Variants in TMEM215 observed in about 807,000 individuals in gnomAD.
TMEM215 encodes transmembrane protein 215.
A neutral mutation model predicts 14.7 loss-of-function variants in TMEM215; 12 were observed. The ratio of observed to expected loss-of-function variants is 0.82; its 90% confidence interval spans 0.52 to 1.33. The LOEUF (loss-of-function observed/expected upper bound fraction) is 1.33. TMEM215 is among the 40% of genes most tolerant of loss of function. The pLI, the probability that TMEM215 is intolerant of heterozygous loss-of-function variation, is 0.00. For synonymous variants in TMEM215, 122 were observed against 124.8 expected (o/e 0.98, Z 0.15); for missense variants, 276 against 296.2 (o/e 0.93, Z 0.50).
rs1824520529 is a variant in TMEM215 at position 32,787,584 on chromosome 9, AG to A, written c.*2697del. On this transcript the variant is annotated 3_prime_UTR_variant, in exon 2 of 2. Transcript: ENST00000342743. ...TCAAAAAATATATATACACAAAAAA[AG>A]GGGAAAAGCCACATTTTTTTGAACA... is the stretch of plus-strand genomic sequence containing the variant. 6.6e-6 allele frequency among the ~76,000 whole-genome samples: 1 copy of A among 152,136 alleles called. No individual in the cohort carries two copies. The highest frequency in any genetic ancestry group is 2.1e-4 in the South Asian group (1 of 4,834).
In TMEM215 at chr9:32,786,015, T is replaced by C. The variant is rs1297421985; in HGVS notation, c.*1124T>C. The C allele has an allele frequency of 1.2e-5, 2 of 166,988 alleles. No individual in the cohort carries two copies. The allele number at this position is 166,988 out of a possible 1,614,324, so 10.3% of individuals were successfully genotyped here. ...ATTAAGCTCACCTGATCAGTGAACA[T>C]TACATGATAAAAGTCTCTTTATTTC... is the stretch of plus-strand genomic sequence containing the variant. On this transcript the variant is annotated 3_prime_UTR_variant, in exon 2 of 2. Transcript: ENST00000342743.
chr9:32,784,646 C>G lies in TMEM215; in HGVS notation c.463C>G (p.Gln155Glu). The G allele has an allele frequency of 5.0e-6, 8 of 1,613,856 alleles. No homozygotes were observed. The highest frequency in any genetic ancestry group is 6.8e-6 in the Non-Finnish European group (8 of 1,179,938). Residue 155 changes from glutamine to glutamate, a missense_variant, in exon 2 of 2, where the codon CAG (glutamine) becomes GAG (glutamate). Coordinates refer to ENST00000342743, the MANE Select transcript of TMEM215 (RefSeq NM_212558.3). ...CCAGAGCCTCGTCCAGAATGGGCAT[C>G]AGGAGGAGACGTCCAGATACCTGGA... ...ECQSLVQNGH[Q>E]EETSRYLDGY...
In TMEM215 at chr9:32,789,016, A is replaced by G. The variant is rs914773295; in HGVS notation, c.*4125A>G. ...ATATATTTTATAATAGATGTATTTC[A>G]TATGTATATGTATTGTCGCCTATCA... is the stretch of plus-strand genomic sequence containing the variant. On this transcript the variant is annotated 3_prime_UTR_variant, in exon 2 of 2. Transcript: ENST00000342743. 1.3e-5 allele frequency among the ~76,000 whole-genome samples: 2 copies of G among 152,312 alleles called. No individual in the cohort carries two copies. Among genetic ancestry groups the G allele is most frequent in the African/African-American group, 4.8e-5 (2 of 41,566 alleles).
chr9:32,788,663 G>C lies in TMEM215; in HGVS notation c.*3772G>C, dbSNP rs1028078428. Among the ~76,000 whole-genome samples, 2 of 152,198 alleles carry C rather than the reference G, an allele frequency of 1.3e-5. No homozygotes were observed. Among genetic ancestry groups the C allele is most frequent in the Admixed American group, 6.5e-5 (1 of 15,278 alleles). On this transcript the variant is annotated 3_prime_UTR_variant, in exon 2 of 2. Transcript: ENST00000342743. ...TGAACAGGTATCTCCTTGTGGATGAGAGAGAGGAGGCAGAAATGTGTAAAT... is the reference window on the plus strand; with the variant it reads ...TGAACAGGTATCTCCTTGTGGATGACAGAGAGGAGGCAGAAATGTGTAAAT...
rs1044271866 is a variant in TMEM215, at chr9:32,786,264, T to C, written c.*1373T>C. The C allele has an allele frequency of 9.6e-5, 16 of 167,056 alleles. No homozygotes were observed. The highest frequency in any genetic ancestry group is 2.2e-4 in the Non-Finnish European group (15 of 68,084). 10.3% of individuals were successfully genotyped at this position (167,056 alleles called of 1,614,324 possible). ...AAAGAATGATCATTTTAAGTGATCA[T>C]ATAGTCTTAGTCACTTTCTCCCAAA... On this transcript the variant is annotated 3_prime_UTR_variant, in exon 2 of 2. Coordinates refer to ENST00000342743, the MANE Select transcript of TMEM215 (RefSeq NM_212558.3).
chr9:32,784,120 T>C lies in TMEM215; in HGVS notation c.-58-6T>C, dbSNP rs1402594653. 1 of 1,495,324 alleles carries C rather than the reference T, an allele frequency of 6.7e-7. No individual in the cohort carries two copies. Among genetic ancestry groups the C allele is most frequent in the Non-Finnish European group, 9.1e-7 (1 of 1,104,972 alleles). 92.6% of individuals were successfully genotyped at this position (1,495,324 alleles called of 1,614,324 possible). Reference sequence around the variant, plus strand: ...TTTTAACGCACTGTGGTTTCATCTCTGACAGAATAGAGGAACGCTGCTCCC... The same window carrying C: ...TTTTAACGCACTGTGGTTTCATCTCCGACAGAATAGAGGAACGCTGCTCCC... On this transcript the variant is annotated splice_region_variant and splice_polypyrimidine_tract_variant and intron_variant, in intron 1 of 1. Coordinates refer to ENST00000342743, the MANE Select transcript of TMEM215 (RefSeq NM_212558.3).
In TMEM215 at chr9:32,785,136, GCTT is replaced by G; in HGVS notation, c.*249_*251del. The G allele has an allele frequency of 2.0e-6, 1 of 493,840 alleles. No homozygotes were observed. The highest frequency in any genetic ancestry group is 1.9e-5 in the African/African-American group (1 of 51,646). 30.6% of individuals were successfully genotyped at this position (493,840 alleles called of 1,614,324 possible). On this transcript the variant is annotated 3_prime_UTR_variant, in exon 2 of 2. Transcript: ENST00000342743. ...GGTAGGAAAGGAAGCTACTCCAGTT[GCTT>G]CTTAACAATTTACACAATGTTAAAT...
In TMEM215 at chr9:32,787,537, A is replaced by G. The variant is rs1165559538; in HGVS notation, c.*2646A>G. On this transcript the variant is annotated 3_prime_UTR_variant, in exon 2 of 2. Transcript: ENST00000342743. ...CCCCAAATCAATACTTGTAAGTACT[A>G]TTCAGAGTTAAACTTCCAAAGTCAA... 1 of 166,752 alleles carries G rather than the reference A, an allele frequency of 6.0e-6. No homozygotes were observed. The highest frequency in any genetic ancestry group is 1.5e-5 in the Non-Finnish European group (1 of 68,014). The allele number at this position is 166,752 out of a possible 1,614,324, so 10.3% of individuals were successfully genotyped here. A position where few individuals can be genotyped will look rare whatever the true frequency, so the allele number is the denominator to read the frequency against.
In TMEM215 at chr9:32,784,586, A is replaced by G; in HGVS notation, c.403A>G (p.Ile135Val). Reference sequence around the variant, plus strand: ...GGGTGAGGTGTCCGTGGCCAGCTCCATCAACAGCCCCACACCCACGGAGGA... The same window carrying G: ...GGGTGAGGTGTCCGTGGCCAGCTCCGTCAACAGCCCCACACCCACGGAGGA... ...SQGEVSVASS[I>V]NSPTPTEEGE... Residue 135 changes from isoleucine (I) to valine (V), a missense_variant, in exon 2 of 2, where the codon ATC becomes GTC. Physicochemically the swap from Ile to Val is conservative, Grantham distance 29. Coordinates refer to ENST00000342743, the MANE Select transcript of TMEM215 (RefSeq NM_212558.3). 1.2e-6 allele frequency: 2 copies of G among 1,613,632 alleles called. No individual in the cohort carries two copies. Among genetic ancestry groups the G allele is most frequent in the Non-Finnish European group, 1.7e-6 (2 of 1,179,886 alleles).
At position 32,788,786 on chromosome 9, in the gene TMEM215, C is replaced by T. The variant is rs943766216; in HGVS notation, c.*3895C>T. The stretch of plus-strand genomic sequence containing the variant: ...AAAACGATGCTTCTTCCAAAAGATC[C>T]TCCCATCAGGACCAGAACTAGTATG... On this transcript the variant is annotated 3_prime_UTR_variant, in exon 2 of 2. Transcript: ENST00000342743. 2.6e-5 allele frequency among the ~76,000 whole-genome samples: 4 copies of T among 152,188 alleles called. No individual in the cohort carries two copies. Among genetic ancestry groups the T allele is most frequent in the Non-Finnish European group, 5.9e-5 (4 of 68,030 alleles).
rs193012137 is a variant in TMEM215 at position 32,788,773 on chromosome 9, C to T, written c.*3882C>T. On this transcript the variant is annotated 3_prime_UTR_variant, in exon 2 of 2. Coordinates refer to ENST00000342743, the MANE Select transcript of TMEM215 (RefSeq NM_212558.3). ...CAGGGTGGGAAACAAAACGATGCTT[C>T]TTCCAAAAGATCCTCCCATCAGGAC... Among the ~76,000 whole-genome samples the T allele has an allele frequency of 6.6e-6, 1 of 152,308 alleles. No individual in the cohort carries two copies.
rs1824507510 is a variant in TMEM215, at chr9:32,786,427, G to A, written c.*1536G>A. ...TAAAAAATCATAATTTTCAAGTCAAGTTCAAGATCAAAAATATGTAATTAT... is the reference window on the plus strand; with the variant it reads ...TAAAAAATCATAATTTTCAAGTCAAATTCAAGATCAAAAATATGTAATTAT... On this transcript the variant is annotated 3_prime_UTR_variant, in exon 2 of 2. Transcript: ENST00000342743. 1 of 166,894 alleles carries A rather than the reference G, an allele frequency of 6.0e-6. No homozygotes were observed. The highest frequency in any genetic ancestry group is 1.5e-5 in the Non-Finnish European group (1 of 68,046). The allele number at this position is 166,894 out of a possible 1,614,324, so 10.3% of individuals were successfully genotyped here.
rs1824527621 is a variant in TMEM215, at chr9:32,788,098, A to G, written c.*3207A>G. Among the ~76,000 whole-genome samples, 1 of 152,204 alleles carries G rather than the reference A, an allele frequency of 6.6e-6. No individual in the cohort carries two copies. The highest frequency in any genetic ancestry group is 2.4e-5 in the African/African-American group (1 of 41,462). ...CTGCTTTGAAAATGTTTTCAATACT[A>G]TGGATCTTAATATCCACTGAGATGA... On this transcript the variant is annotated 3_prime_UTR_variant, in exon 2 of 2. Coordinates refer to ENST00000342743, the MANE Select transcript of TMEM215 (RefSeq NM_212558.3).
chr9:32,785,668 T>C lies in TMEM215; in HGVS notation c.*777T>C, dbSNP rs1289435556. 6.0e-6 allele frequency: 1 copy of C among 166,716 alleles called. No individual in the cohort carries two copies. Among genetic ancestry groups the C allele is most frequent in the Admixed American group, 6.5e-5 (1 of 15,290 alleles). 10.3% of individuals were successfully genotyped at this position (166,716 alleles called of 1,614,324 possible). On this transcript the variant is annotated 3_prime_UTR_variant, in exon 2 of 2. Coordinates refer to ENST00000342743, the MANE Select transcript of TMEM215 (RefSeq NM_212558.3). ...TACTATCATTCATGTATTATTTCCT[T>C]ACCAGGTGCAACATTATTTGAAATG...
Position 32,784,188 on chromosome 9 carries a change from G to T in TMEM215, c.5G>T (p.Arg2Leu). The change falls in exon 2 of 2, where the codon CGG (arginine) becomes CTG (leucine). Residue 2 changes from arginine (R) to leucine (L), a missense_variant. Transcript: ENST00000342743. Reference sequence around the variant, plus strand: ...CCAACCTGGATGGAGTGAAACATGCGGCCTGATGACATTAACCCGAGGACT... The same window carrying T: ...CCAACCTGGATGGAGTGAAACATGCTGCCTGATGACATTAACCCGAGGACT... The part of the protein sequence containing the change: M[R>L]PDDINPRTGL... 1 of 1,611,420 alleles carries T rather than the reference G, an allele frequency of 6.2e-7. No individual in the cohort carries two copies. Among genetic ancestry groups the T allele is most frequent in the East Asian group, 2.2e-5 (1 of 44,840 alleles).
chr9:32,787,580 A>G lies in TMEM215; in HGVS notation c.*2689A>G, dbSNP rs1230110852. 6.6e-6 allele frequency among the ~76,000 whole-genome samples: 1 copy of G among 152,090 alleles called. No homozygotes were observed. Among genetic ancestry groups the G allele is most frequent in the African/African-American group, 2.4e-5 (1 of 41,434 alleles). On this transcript the variant is annotated 3_prime_UTR_variant, in exon 2 of 2. Transcript: ENST00000342743. The stretch of plus-strand genomic sequence containing the variant: ...AAAGTCAAAAAATATATATACACAA[A>G]AAAAGGGGAAAAGCCACATTTTTTT...
rs1824461900 is a variant in TMEM215 at position 32,783,573 on chromosome 9, C to T, written c.-291C>T. On this transcript the variant is annotated 5_prime_UTR_variant, in exon 1 of 2. Coordinates refer to ENST00000342743, the MANE Select transcript of TMEM215 (RefSeq NM_212558.3). ...TGCTCCCTCCTCCTCCCGCGCCCCG[C>T]GCTCTGCGCGCTGAGCTGGCGCCGG... is the stretch of plus-strand genomic sequence containing the variant. 1 of 153,344 alleles carries T rather than the reference C, an allele frequency of 6.5e-6. No homozygotes were observed. Among genetic ancestry groups the T allele is most frequent in the Non-Finnish European group, 1.4e-5 (1 of 69,012 alleles). The allele number at this position is 153,344 out of a possible 1,614,324, so 9.5% of individuals were successfully genotyped here. A position where few individuals can be genotyped will look rare whatever the true frequency, so the allele number is the denominator to read the frequency against.
Position 32,788,474 on chromosome 9 carries a change from C to T in TMEM215, c.*3583C>T, listed in dbSNP as rs530425407. Among the ~76,000 whole-genome samples, 4 of 152,244 alleles carry T rather than the reference C, an allele frequency of 2.6e-5. No homozygotes were observed. Among genetic ancestry groups the T allele is most frequent in the South Asian group, 2.1e-4 (1 of 4,828 alleles). On this transcript the variant is annotated 3_prime_UTR_variant, in exon 2 of 2. Transcript: ENST00000342743. ...TGTAGTATTTCTAATTATCAATGAA[C>T]GATTGTGTAATATGCCATTTTAGTG...
At position 32,784,630 on chromosome 9, in the gene TMEM215, C is replaced by T. The variant is rs767482777; in HGVS notation, c.447C>T (p.Leu149=). 1.2e-6 allele frequency: 2 copies of T among 1,613,748 alleles called. No homozygotes were observed. Among genetic ancestry groups the T allele is most frequent in the East Asian group, 2.2e-5 (1 of 44,828 alleles). Residue 149 remains leucine (L), a synonymous_variant, in exon 2 of 2, where the codon CTC becomes CTT. Coordinates refer to ENST00000342743, the MANE Select transcript of TMEM215 (RefSeq NM_212558.3). ...TPTEEGECQS[L]VQNGHQEETS... is the part of the protein sequence containing the mutation. The stretch of plus-strand genomic sequence containing the variant: ...CGGAGGAAGGAGAATGCCAGAGCCT[C>T]GTCCAGAATGGGCATCAGGAGGAGA...
Sources: gnomAD v4.1 joint callset for allele counts (sites outside exome capture counted in the v4.1 genomes callset) on GRCh38, gnomAD v4.1.1 for gene constraint, MANE v1.5 for transcripts, NCBI Gene and HGNC (gene_info 2026-07-23, HGNC 2026-07-21) for gene names.